The following VPS13A variants were observed in gnomAD, a reference collection of about 807,000 sequenced individuals.
VPS13A encodes intermembrane lipid transfer protein VPS13A.
A neutral mutation model predicts 390.9 loss-of-function variants in VPS13A; 264 were observed. That is an observed-to-expected ratio of 0.68 (90% confidence interval 0.61 to 0.75). VPS13A has a LOEUF of 0.75. Among genes scored for constraint, VPS13A ranks in the 30% least tolerant of loss-of-function variants. The pLI is 0.00. For synonymous variants in VPS13A, 1,231 were observed against 1,227.1 expected (o/e 1.00, Z -0.07); for missense variants, 3,409 against 3,733.9 (o/e 0.91, Z 2.27).
intron 19 of VPS13A, among the ~76,000 whole-genome samples, chr9:77,245,526 A>C (rs1824755499): frequency 6.6e-6 from 1 of 152,164 alleles, no homozygotes; most frequent in East Asian, 1.9e-4. Context: ...GGTCTTCAGA[A>C]TTTTTGATGA....
chr9:77,354,490 T>C (rs1479785338), intron 54 of VPS13A, among the ~76,000 whole-genome samples: 2 of 152,178 alleles, frequency 1.3e-5, no homozygotes, highest in African/African-American at 4.8e-5. Context: ...GTGATGTTAA[T>C]GCAAAGATGA....
intron 20 of VPS13A, among the ~76,000 whole-genome samples, chr9:77,248,890 C>A (rs1390375287): frequency 1.3e-5 from 2 of 152,164 alleles, no homozygotes; most frequent in Non-Finnish European, 2.9e-5. Context: ...TGCCATCAAG[C>A]CCAGACAGTT....
At chr9:77,403,067 G>C (rs1259809228) in intron 68 of VPS13A, among the ~76,000 whole-genome samples, 169 bp from the exon 69 acceptor site, 6 of 152,158 alleles carry the variant, frequency 3.9e-5, no homozygotes, top group Non-Finnish European at 8.8e-5. Context: ...AGTGCAAGTA[G>C]ATGCTTTTAA....
chr9:77,211,031 A>T (rs1035154472), intron 7 of VPS13A, among the ~76,000 whole-genome samples: 7 of 152,192 alleles, frequency 4.6e-5, no homozygotes, highest in Non-Finnish European at 8.8e-5. Context: ...AGTTTTTCTC[A>T]ATATCATTAT....
chr9:77,329,933 A>G (rs1830200174), intron 45 of VPS13A, among the ~76,000 whole-genome samples: 2 of 152,096 alleles, frequency 1.3e-5, no homozygotes, highest in Admixed American at 6.5e-5. Flanking sequence ...TCCTGCTATC[A>G]TATTGCTGTT....
intron 13 of VPS13A, among the ~76,000 whole-genome samples, chr9:77,225,232 G>T (rs921188141): frequency 1.5e-4 from 23 of 152,128 alleles, no homozygotes; most frequent in African/African-American, 5.5e-4. Context: ...TAACATACAG[G>T]CTGTACACAT....
At chr9:77,367,612 A>AGT (rs1832504537) in intron 61 of VPS13A, among the ~76,000 whole-genome samples, 1 of 152,240 alleles carries the variant, frequency 6.6e-6, no homozygotes, top group Non-Finnish European at 1.5e-5. Context: ...AGCTAATCTT[A>AGT]GTATATATTC....
At chr9:77,401,943 GGTGT>G (rs1228844314) in intron 68 of VPS13A, among the ~76,000 whole-genome samples, 2 of 152,072 alleles carry the variant, frequency 1.3e-5, no homozygotes, top group African/African-American at 4.8e-5. Context: ...CTTTATCATA[GGTGT>G]GTGTATATAG....
chr9:77,360,612 A>G lies in VPS13A; in HGVS notation c.8182A>G (p.Thr2728Ala), dbSNP rs1195630140. ...TATCTATGCTTTAACAGACCTTATG[A>G]CAGAAGCTGAGGTGACTGAAAATAC... The part of the protein sequence containing the change: ...GFIYALTDLM[T>A]EAEVTENTEV... The change falls in exon 59 of 72, where the codon ACA (threonine) becomes GCA (alanine). Residue 2728 changes from threonine to alanine, a missense_variant. Physicochemically the swap from Thr to Ala is moderately conservative, Grantham distance 58. Transcript: ENST00000360280. 1 of 1,612,962 alleles carries G rather than the reference A, an allele frequency of 6.2e-7. No homozygotes were observed. The highest frequency in any genetic ancestry group is 1.7e-5 in the Admixed American group (1 of 60,002).
intron 52 of VPS13A, among the ~76,000 whole-genome samples, chr9:77,346,569 T>C (rs1831164568): frequency 6.6e-6 from 1 of 152,226 alleles, no homozygotes; most frequent in Non-Finnish European, 1.5e-5. Context: ...CATTTGCTTT[T>C]GGGTTCTTGG....
intron 2 of VPS13A, among the ~76,000 whole-genome samples, chr9:77,200,957 C>T (rs1000354733): frequency 1.3e-5 from 2 of 152,064 alleles, no homozygotes; most frequent in Non-Finnish European, 2.9e-5. Context: ...AAAGGCTATT[C>T]TTTGAATGGG....
At chr9:77,410,635 G>T (rs906419864) in intron 71 of VPS13A, among the ~76,000 whole-genome samples, 1 of 129,732 alleles carries the variant, frequency 7.7e-6, no homozygotes, top group African/African-American at 2.9e-5. Context: ...AAAGGCAGGA[G>T]TTGCAATCCT....
chr9:77,245,486 T>C (rs1262052628), intron 19 of VPS13A, among the ~76,000 whole-genome samples: 1 of 152,196 alleles, frequency 6.6e-6, no homozygotes, highest in Non-Finnish European at 1.5e-5. Context: ...TTTGAGTCAA[T>C]TCTGCTCTTA....
At chr9:77,367,961 GAA>G in intron 61 of VPS13A, 92 bp from the exon 62 acceptor site, 1 of 1,197,286 alleles carries the variant, frequency 8.4e-7, no homozygotes, top group Non-Finnish European at 1.2e-6. Context: ...AAGGTTTGGA[GAA>G]AAGATTCTAA....
chr9:77,214,880 C>T (rs62573172), intron 10 of VPS13A, among the ~76,000 whole-genome samples: 15,622 of 152,246 alleles, frequency 0.1, 831 homozygotes, highest in Middle Eastern at 0.13. Context: ...TGCTGTTTCT[C>T]AGTTTCCCAA....
intron 35 of VPS13A, among the ~76,000 whole-genome samples, chr9:77,310,529 A>T (rs988282836): frequency 1.3e-5 from 2 of 152,224 alleles, no homozygotes; most frequent in Admixed American, 1.3e-4. Context: ...AGCCATTGTT[A>T]GAATGTGAGA....
chr9:77,357,300 C>T (rs1831853180), intron 55 of VPS13A, among the ~76,000 whole-genome samples: 1 of 112,556 alleles, frequency 8.9e-6, no homozygotes, highest in Admixed American at 1.3e-4. Flanking sequence ...GCCTGGCTGA[C>T]AGCAAGACTC....
Position 77,199,928 on chromosome 9 carries a change from T to C in VPS13A, c.101-17T>C, listed in dbSNP as rs990061243. On this transcript the variant is annotated splice_polypyrimidine_tract_variant and intron_variant, in intron 1 of 71. Transcript: ENST00000360280. ...AAAATATTTGATTGTTTGAATCTTT[T>C]TTTTAATCTTTTTTAGGAGCTGTGG... is the stretch of plus-strand genomic sequence containing the variant. 1.3e-6 allele frequency: 2 copies of C among 1,594,752 alleles called. No individual in the cohort carries two copies. Among genetic ancestry groups the C allele is most frequent in the East Asian group, 4.5e-5 (2 of 44,626 alleles).
intron 35 of VPS13A, 64 bp downstream of exon 35, chr9:77,308,162 T>C: frequency 6.5e-7 from 1 of 1,532,224 alleles, no homozygotes; most frequent in East Asian, 2.3e-5. Context: ...TCTATCTTCT[T>C]CCCTCCCCTT....
Sources: allele counts gnomAD v4.1 joint callset (sites outside exome capture counted in the v4.1 genomes callset), GRCh38; gene constraint gnomAD v4.1.1; transcripts MANE v1.5; gene names NCBI Gene and HGNC (gene_info 2026-07-23, HGNC 2026-07-21).